Variants in RALYL observed in about 807,000 individuals in gnomAD.
The protein encoded by RALYL is RALY RNA binding protein like.
In RALYL, 29 loss-of-function variants were observed where a neutral mutation model predicts 35.1. That is an observed-to-expected ratio of 0.83 (90% CI 0.61 to 1.13). The LOEUF (loss-of-function observed/expected upper bound fraction) is 1.13. Among genes scored for constraint, RALYL ranks in the 50% most tolerant of loss-of-function variants. RALYL has a pLI of 0.00. For synonymous variants in RALYL, 120 were observed against 127.6 expected, an observed-to-expected ratio of 0.94 and a Z score of 0.40; for missense variants, 359 against 360.4, an observed-to-expected ratio of 1.00 and a Z score of 0.03.
intron 5 of RALYL, among the ~76,000 whole-genome samples, chr8:84,862,006 A>G (rs1838193611): frequency 6.6e-6 from 1 of 152,218 alleles, no homozygotes; most frequent in Non-Finnish European, 1.5e-5. Context: ...AATTTCAACA[A>G]ATTGCATGGT....
chr8:84,844,171 G>A (rs1175931682), intron 4 of RALYL, among the ~76,000 whole-genome samples: 1 of 152,122 alleles, frequency 6.6e-6, no homozygotes, highest in East Asian at 1.9e-4. Context: ...TACCATCAGA[G>A]TGAACAGGCA....
At chr8:84,857,036 GAAAA>G (rs36119108) in intron 5 of RALYL, among the ~76,000 whole-genome samples, 8 of 91,826 alleles carry the variant, frequency 8.7e-5, no homozygotes, top group East Asian at 3.3e-4. Flanking sequence ...CTCCGTCTCA[GAAAA>G]AAAAAAAAAA....
chr8:84,463,439 T>G (rs959418688), intron 1 of RALYL, among the ~76,000 whole-genome samples: 1 of 152,038 alleles, frequency 6.6e-6, no homozygotes, highest in African/African-American at 2.4e-5. Context: ...AAAATCTCAA[T>G]ATGAGGTGCC....
intron 1 of RALYL, among the ~76,000 whole-genome samples, chr8:84,363,576 A>G (rs1052547236): frequency 8.5e-5 from 13 of 152,200 alleles, no homozygotes; most frequent in African/African-American, 3.1e-4. Context: ...ACACTGCAAA[A>G]TCACTCCCAA....
intron 1 of RALYL, among the ~76,000 whole-genome samples, chr8:84,361,870 T>A (rs1248825451): frequency 6.6e-6 from 1 of 152,154 alleles, no homozygotes; most frequent in African/African-American, 2.4e-5. Context: ...GATAGGCCGG[T>A]TGGTGTAGTA....
At chr8:84,777,077 C>A (rs569004229) in intron 3 of RALYL, among the ~76,000 whole-genome samples, 1 of 152,304 alleles carries the variant, frequency 6.6e-6, no homozygotes, top group African/African-American at 2.4e-5. Context: ...ACTATGCTTT[C>A]ATAGTCATTC....
At chr8:84,657,934 T>A (rs1326404796) in intron 2 of RALYL, among the ~76,000 whole-genome samples, 1 of 152,042 alleles carries the variant, frequency 6.6e-6, no homozygotes, top group African/African-American at 2.4e-5. Context: ...AAAAATGAAA[T>A]CCTAAGCCTG....
chr8:84,437,983 A>C (rs1253809008), intron 1 of RALYL, among the ~76,000 whole-genome samples: 1 of 152,150 alleles, frequency 6.6e-6, no homozygotes, highest in Non-Finnish European at 1.5e-5. Flanking sequence ...TCTTTATAGC[A>C]ATGCAAGAAC....
intron 2 of RALYL, among the ~76,000 whole-genome samples, chr8:84,543,882 A>T (rs1337502517): frequency 1.3e-5 from 2 of 152,074 alleles, no homozygotes; most frequent in African/African-American, 4.8e-5. Context: ...AAGCTCATTA[A>T]CCTCATCAAT....
chr8:84,509,641 A>G (rs1269247931), intron 1 of RALYL, among the ~76,000 whole-genome samples: 1 of 152,108 alleles, frequency 6.6e-6, no homozygotes, highest in Non-Finnish European at 1.5e-5. Flanking sequence ...TAGGTGTTCT[A>G]TAGTTTTCCA....
chr8:84,696,978 T>C (rs1165644865), intron 2 of RALYL, among the ~76,000 whole-genome samples: 2 of 152,022 alleles, frequency 1.3e-5, no homozygotes, highest in Non-Finnish European at 2.9e-5. Flanking sequence ...AAATTATACC[T>C]GAAAATTCAT....
intron 8 of RALYL, among the ~76,000 whole-genome samples, chr8:84,909,594 AG>A (rs1225187316): frequency 6.6e-6 from 1 of 152,126 alleles, no homozygotes; most frequent in Non-Finnish European, 1.5e-5. Context: ...CACAATGGTA[AG>A]AAATAAAGGC....
At chr8:84,649,711 G>C (rs2131497051) in intron 2 of RALYL, among the ~76,000 whole-genome samples, 1 of 152,208 alleles carries the variant, frequency 6.6e-6, no homozygotes, top group African/African-American at 2.4e-5. Context: ...AAGTCAGGTA[G>C]TGTGATGCCT....
At chr8:84,679,499 A>G in intron 2 of RALYL, 3 of 339,646 alleles carry the variant, frequency 8.8e-6, no homozygotes, top group Non-Finnish European at 1.7e-5. Flanking sequence ...TCATTGAGTT[A>G]TTGGATATTA....
chr8:84,616,445 T>A (rs1346542153), intron 2 of RALYL, among the ~76,000 whole-genome samples: 1 of 150,044 alleles, frequency 6.7e-6, no homozygotes, highest in African/African-American at 2.5e-5. Context: ...ATGGGGTTGT[T>A]TTTTTCTTGT....
chr8:84,908,250 A>T (rs895432050), intron 8 of RALYL, among the ~76,000 whole-genome samples: 1 of 152,160 alleles, frequency 6.6e-6, no homozygotes, highest in African/African-American at 2.4e-5. Flanking sequence ...ATTTCGAAAT[A>T]TACATTGCAC....
chr8:84,477,465 C>T (rs982794124), intron 1 of RALYL, among the ~76,000 whole-genome samples: 10 of 148,512 alleles, frequency 6.7e-5, no homozygotes, highest in Non-Finnish European at 1.5e-4. Flanking sequence ...TGATAGAGAA[C>T]TGGAGGTTAT....
At chr8:84,564,558 A>G (rs2061659869) in intron 2 of RALYL, among the ~76,000 whole-genome samples, 1 of 151,690 alleles carries the variant, frequency 6.6e-6, no homozygotes, top group Non-Finnish European at 1.5e-5. Flanking sequence ...GCTGTCTGCC[A>G]CAATCCCTTC....
chr8:84,905,196 T>C (rs1846280921), intron 8 of RALYL, among the ~76,000 whole-genome samples: 1 of 152,218 alleles, frequency 6.6e-6, no homozygotes, highest in Non-Finnish European at 1.5e-5. Flanking sequence ...GTATTTGTCT[T>C]ACTGTCACTC....
Sources: allele counts gnomAD v4.1 joint callset (sites outside exome capture counted in the v4.1 genomes callset), GRCh38; gene constraint gnomAD v4.1.1; transcripts MANE v1.5; gene names NCBI Gene and HGNC (gene_info 2026-07-23, HGNC 2026-07-21).